DLG2: variants seen among roughly 807,000 people sequenced by gnomAD.
DLG2 encodes the protein discs large MAGUK scaffold protein 2.
A neutral mutation model predicts 132.5 loss-of-function variants in DLG2; 45 were observed. That is an observed-to-expected ratio of 0.34 (90% CI 0.27 to 0.44). The LOEUF is 0.44. DLG2 is among the 20% of genes least tolerant of loss of function. DLG2 has a pLI of 1.00. For missense variants in DLG2, 1,045 were observed against 1,196.9 expected (o/e 0.87, Z 1.87); for synonymous variants, 424 against 419.6 (o/e 1.01, Z -0.13).
intron 21 of DLG2, among the ~76,000 whole-genome samples, chr11:83,501,125 G>GA (rs1321846894): frequency 1.3e-5 from 2 of 151,872 alleles, no homozygotes; most frequent in Non-Finnish European, 2.9e-5. Flanking sequence ...ATGTTAGATA[G>GA]AGAAATGGGG....
At chr11:83,883,193 C>CT (rs900570755) in intron 15 of DLG2, among the ~76,000 whole-genome samples, 3 of 152,104 alleles carry the variant, frequency 2.0e-5, no homozygotes, top group East Asian at 1.9e-4. Context: ...GTTCCTTCAT[C>CT]TTTTTTTTAT....
chr11:83,879,088 C>T (rs2065486416), intron 15 of DLG2, among the ~76,000 whole-genome samples: 1 of 152,080 alleles, frequency 6.6e-6, no homozygotes, highest in Admixed American at 6.6e-5. Context: ...CATTGCTGTG[C>T]TTAATTAAGA....
intron 11 of DLG2, among the ~76,000 whole-genome samples, chr11:84,044,858 A>C (rs1163367973): frequency 6.6e-6 from 1 of 151,716 alleles, no homozygotes; most frequent in Non-Finnish European, 1.5e-5. Context: ...TCACCCGTAC[A>C]ATCTCAGGAG....
chr11:84,919,432 C>A (rs117241441), intron 6 of DLG2, among the ~76,000 whole-genome samples: 4 of 152,220 alleles, frequency 2.6e-5, no homozygotes, highest in Non-Finnish European at 4.4e-5. Flanking sequence ...ATTGTATTTA[C>A]GCTCAGTAAA....
intron 6 of DLG2, among the ~76,000 whole-genome samples, chr11:84,606,950 A>G (rs948143): frequency 0.07 from 10,638 of 152,190 alleles, 433 homozygotes; most frequent in South Asian, 0.1. Context: ...TATTTACTAC[A>G]AGTGTCATAT....
At chr11:85,277,741 G>C (rs1462309164) in intron 4 of DLG2, among the ~76,000 whole-genome samples, 1 of 152,044 alleles carries the variant, frequency 6.6e-6, no homozygotes, top group East Asian at 1.9e-4. Flanking sequence ...TATAAATCAA[G>C]TTACTACCCA....
intron 6 of DLG2, among the ~76,000 whole-genome samples, chr11:84,733,468 G>A (rs193266589): frequency 2.0e-4 from 31 of 152,156 alleles, no homozygotes; most frequent in East Asian, 5.8e-4. Flanking sequence ...CACATCCTTC[G>A]CCCACTTGTT....
intron 5 of DLG2, among the ~76,000 whole-genome samples, chr11:85,136,344 G>A (rs2076145266): frequency 6.6e-6 from 1 of 152,110 alleles, no homozygotes; most frequent in African/African-American, 2.4e-5. Flanking sequence ...AGACCCATTT[G>A]GGTTTTCCAC....
At chr11:84,879,060 T>A (rs1218244762) in intron 6 of DLG2, among the ~76,000 whole-genome samples, 1 of 150,850 alleles carries the variant, frequency 6.6e-6, no homozygotes, top group Non-Finnish European at 1.5e-5. Context: ...TGAGAATGAG[T>A]CCCCCACTAA....
At chr11:84,290,421 C>T (rs188358473) in intron 7 of DLG2, among the ~76,000 whole-genome samples, 91 of 152,108 alleles carry the variant, frequency 6.0e-4, no homozygotes, top group African/African-American at 2.1e-3. Context: ...TTTTTCTGAG[C>T]CTTTATTTGC....
intron 6 of DLG2, among the ~76,000 whole-genome samples, chr11:84,957,116 T>C (rs1398768842): frequency 6.6e-6 from 1 of 152,200 alleles, no homozygotes; most frequent in Non-Finnish European, 1.5e-5. Flanking sequence ...GATACAACTA[T>C]GATTTTCATT....
intron 17 of DLG2, among the ~76,000 whole-genome samples, chr11:83,827,164 G>A (rs892102544): frequency 2.0e-5 from 3 of 152,096 alleles, no homozygotes; most frequent in Non-Finnish European, 2.9e-5. Flanking sequence ...TCAGGAAATC[G>A]AAGAAATAAT....
At chr11:83,992,367 G>C (rs2093770349) in intron 11 of DLG2, among the ~76,000 whole-genome samples, 1 of 152,046 alleles carries the variant, frequency 6.6e-6, no homozygotes, top group Non-Finnish European at 1.5e-5. Context: ...GCATATAGGT[G>C]GGCGGCCTAC....
intron 7 of DLG2, among the ~76,000 whole-genome samples, chr11:84,292,052 C>T (rs146245355): frequency 8.0e-4 from 121 of 152,150 alleles, no homozygotes; most frequent in African/African-American, 2.6e-3. Flanking sequence ...GACATCATGA[C>T]GGAATGACTA....
At chr11:84,880,560 A>G (rs1173441800) in intron 6 of DLG2, among the ~76,000 whole-genome samples, 1 of 152,164 alleles carries the variant, frequency 6.6e-6, no homozygotes, top group African/African-American at 2.4e-5. Context: ...GGCCTTGCAG[A>G]TGCTTATGCT....
rs2153222173 is a variant in DLG2, at chr11:85,555,549, C to T, written c.40+43108G>A. ...TCTAAGCATCTCTTGTTTTTTCCCA[C>T]CCACCTCCAAGTACGAGGAGGGACT... is the stretch of plus-strand genomic sequence containing the variant. On this transcript the variant is annotated intron_variant, in intron 3 of 27. Coordinates refer to ENST00000376104, the MANE Select transcript of DLG2 (RefSeq NM_001142699.3). Among the ~76,000 whole-genome samples, 3 of 152,016 alleles carry T rather than the reference C, an allele frequency of 2.0e-5. 1 individual carries two copies. Among genetic ancestry groups the T allele is most frequent in the Middle Eastern group, 6.8e-3 (2 of 294 alleles).
rs182706960 is a variant in DLG2 at position 84,441,182 on chromosome 11, T to C, written c.519+93388A>G. 3.9e-5 allele frequency among the ~76,000 whole-genome samples: 6 copies of C among 151,958 alleles called. No individual in the cohort carries two copies. In the East Asian group the frequency reaches 1.2e-3, roughly 29 times the overall value. ...ACTATTTTGAGACAAGACCTTGTTC[T>C]GTCACCCAGGATGGAGTGCAGTGTT... On this transcript the variant is annotated intron_variant, in intron 7 of 27. Transcript: ENST00000376104.
intron 3 of DLG2, among the ~76,000 whole-genome samples, chr11:85,558,983 G>A (rs1190135969): frequency 2.0e-5 from 3 of 151,452 alleles, no homozygotes; most frequent in Non-Finnish European, 4.4e-5. Context: ...TAAAACTAAC[G>A]TGCAGAACTA....
At chr11:83,642,178 T>C (rs971548549) in intron 18 of DLG2, among the ~76,000 whole-genome samples, 4 of 152,196 alleles carry the variant, frequency 2.6e-5, no homozygotes, top group Admixed American at 6.5e-5. Context: ...ACACCTGGCA[T>C]AGCGTGTGGC....
Sources: gnomAD v4.1 joint callset for allele counts (sites outside exome capture counted in the v4.1 genomes callset) on GRCh38, gnomAD v4.1.1 for gene constraint, MANE v1.5 for transcripts, NCBI Gene and HGNC (gene_info 2026-07-23, HGNC 2026-07-21) for gene names.